SVOP: variants seen among roughly 807,000 people sequenced by gnomAD.
SVOP encodes the protein synaptic vesicle 2-related protein.
Under a neutral mutation model 69.1 loss-of-function variants are expected in SVOP, and 17 were observed. The ratio of observed to expected loss-of-function variants is 0.25; its 90% CI spans 0.17 to 0.37. SVOP has a LOEUF of 0.37. Among genes scored for constraint, SVOP ranks in the 10% least tolerant of loss-of-function variants. SVOP has a pLI of 1.00. For missense variants in SVOP, 435 were observed against 597.5 expected (o/e 0.73, Z 2.84); for synonymous variants, 238 against 238.6 (o/e 1.00, Z 0.02).
intron 6 of SVOP, among the ~76,000 whole-genome samples, chr12:108,948,871 T>C (rs1032507757): frequency 8.5e-5 from 13 of 152,338 alleles, no homozygotes; most frequent in African/African-American, 2.9e-4. Context: ...ACAATTATCA[T>C]GGATGACTTT....
intron 11 of SVOP, among the ~76,000 whole-genome samples, chr12:108,928,302 A>G (rs2039794502): frequency 6.6e-6 from 1 of 151,424 alleles, no homozygotes; most frequent in Admixed American, 6.6e-5. Context: ...GGCTCTGTCT[A>G]GTTTTGACAA....
intron 1 of SVOP, among the ~76,000 whole-genome samples, chr12:108,997,712 A>G (rs2040244154): frequency 6.6e-6 from 1 of 151,326 alleles, no homozygotes; most frequent in Non-Finnish European, 1.5e-5. Context: ...CTGACAACTC[A>G]CAAGGCAGGG....
rs117936724 is a variant in SVOP, at chr12:108,925,493, C to T, written c.1049-2696G>A. ...ACCCAGCCATGGTCTATTTCCAACA[C>T]GTCAGTCAAAGGGATACTTTTTAAA... On this transcript the variant is annotated intron_variant, in intron 11 of 15. Transcript: ENST00000610966. Among the ~76,000 whole-genome samples the T allele has an allele frequency of 3.2e-3, 486 of 152,290 alleles. 1 individual carries two copies. Among genetic ancestry groups the T allele is most frequent in the Non-Finnish European group, 3.6e-3 (242 of 68,010 alleles).
In SVOP at chr12:109,018,615, G is replaced by A. The variant is rs569125400; in HGVS notation, c.35+2219C>T. ...GTGTGGTTTAAAAAACATCTAAATC[G>A]TGATTTGTAACCCACTCAGATTCAT... On this transcript the variant is annotated intron_variant, in intron 1 of 15. Coordinates refer to ENST00000610966, the MANE Select transcript of SVOP (RefSeq NM_018711.5). Among the ~76,000 whole-genome samples, 23 of 152,116 alleles carry A rather than the reference G, an allele frequency of 1.5e-4. No homozygotes were observed. The South Asian group carries it at 3.5e-3, about 23-fold the overall frequency.
At chr12:108,980,519 C>T (rs945447882) in intron 2 of SVOP, among the ~76,000 whole-genome samples, 3 of 152,118 alleles carry the variant, frequency 2.0e-5, no homozygotes, top group Admixed American at 6.5e-5. Flanking sequence ...GAGGCCAAGG[C>T]GAGCAGATCA....
intron 4 of SVOP, among the ~76,000 whole-genome samples, chr12:108,973,990 A>G (rs138167419): frequency 0.67 from 101,958 of 152,108 alleles, 34,679 homozygotes; most frequent in East Asian, 0.79. Context: ...TCAAGCTGTC[A>G]GCAAGTTAGG....
intron 15 of SVOP, among the ~76,000 whole-genome samples, chr12:108,914,007 C>T (rs2039700201): frequency 6.6e-6 from 1 of 152,242 alleles, no homozygotes; most frequent in Non-Finnish European, 1.5e-5. Flanking sequence ...TGGGAAGAAC[C>T]TGGCAGCACC....
intron 1 of SVOP, among the ~76,000 whole-genome samples, chr12:108,990,306 C>G (rs1298961522): frequency 2.0e-5 from 3 of 152,138 alleles, no homozygotes; most frequent in Non-Finnish European, 4.4e-5. Flanking sequence ...CATAGTATTC[C>G]ATGGTGTTTA....
At chr12:108,919,883 G>GGA in intron 12 of SVOP, 97 bp from the exon 13 acceptor site, 24 of 800,626 alleles carry the variant, frequency 3.0e-5, no homozygotes, top group Non-Finnish European at 4.7e-5. Flanking sequence ...CCCCTGGAGG[G>GGA]TGGACTAGAC....
intron 1 of SVOP, among the ~76,000 whole-genome samples, chr12:108,985,270 AGAG>A (rs1406376899): frequency 3.8e-4 from 57 of 151,094 alleles, no homozygotes; most frequent in African/African-American, 1.3e-3. Flanking sequence ...AAAGAGAGAG[AGAG>A]GAGAAGGAAG....
At chr12:108,931,798 C>A (rs2137398965) in intron 11 of SVOP, among the ~76,000 whole-genome samples, 1 of 150,342 alleles carries the variant, frequency 6.7e-6, no homozygotes, top group East Asian at 2.0e-4. Flanking sequence ...TGCGCCACTG[C>A]ACTCCAGCCT....
At position 108,915,770 on chromosome 12, in the gene SVOP, G is replaced by T. The variant is rs2039709754; in HGVS notation, c.1440+13C>A. On this transcript the variant is annotated intron_variant, in intron 15 of 15. Coordinates refer to ENST00000610966, the MANE Select transcript of SVOP (RefSeq NM_018711.5). ...TCACCCCCCATCCCTCTGTATTTGG[G>T]GGCAGCACCTACCTGGGCGATGAAC... 1 of 1,595,172 alleles carries T rather than the reference G, an allele frequency of 6.3e-7. No homozygotes were observed. The highest frequency in any genetic ancestry group is 1.3e-5 in the African/African-American group (1 of 74,418).
intron 2 of SVOP, among the ~76,000 whole-genome samples, chr12:108,982,512 CCAT>C (rs2040142559): frequency 6.7e-6 from 1 of 150,258 alleles, no homozygotes; most frequent in African/African-American, 2.5e-5. Flanking sequence ...ACTATCATCA[CCAT>C]CATCACCACC....
intron 6 of SVOP, among the ~76,000 whole-genome samples, chr12:108,952,230 C>T (rs369871365): frequency 6.1e-5 from 6 of 98,394 alleles, no homozygotes; most frequent in South Asian, 4.3e-4. Context: ...TTTCTTTTCT[C>T]TTTTTTTTTT....
intron 5 of SVOP, among the ~76,000 whole-genome samples, chr12:108,969,185 A>C (rs1013453485): frequency 6.6e-6 from 1 of 152,126 alleles, no homozygotes; most frequent in Admixed American, 6.6e-5. Flanking sequence ...CCATCAAAAC[A>C]AAAATGACTC....
chr12:108,937,591 G>A (rs2039864042), intron 9 of SVOP, among the ~76,000 whole-genome samples: 1 of 152,062 alleles, frequency 6.6e-6, no homozygotes, highest in Admixed American at 6.6e-5. Context: ...ACCTGGACTT[G>A]GGAAGCAGAT....
intron 6 of SVOP, among the ~76,000 whole-genome samples, chr12:108,956,297 G>A (rs373182766): frequency 1.9e-4 from 14 of 73,904 alleles, no homozygotes; most frequent in East Asian, 5.8e-4. Context: ...GCGAGATTCC[G>A]TCTCAAAAAA....
chr12:108,937,915 G>A (rs940343450), intron 9 of SVOP, among the ~76,000 whole-genome samples: 1 of 152,228 alleles, frequency 6.6e-6, no homozygotes, highest in Non-Finnish European at 1.5e-5. Flanking sequence ...AGCACTTTGG[G>A]AGGCCGGGGC....
At chr12:108,959,789 T>C (rs983349198) in intron 6 of SVOP, among the ~76,000 whole-genome samples, 1 of 152,250 alleles carries the variant, frequency 6.6e-6, no homozygotes, top group African/African-American at 2.4e-5. Flanking sequence ...AGTCTCCTTC[T>C]GGGTCTTTCC....
Sources: gnomAD v4.1 joint callset for allele counts (sites outside exome capture counted in the v4.1 genomes callset) on GRCh38, gnomAD v4.1.1 for gene constraint, MANE v1.5 for transcripts, NCBI Gene and HGNC (gene_info 2026-07-23, HGNC 2026-07-21) for gene names.